The following PDCD7 variants were observed in gnomAD, a reference collection of about 807,000 sequenced individuals.
PDCD7 encodes programmed cell death 7.
A neutral mutation model predicts 42.1 loss-of-function variants in PDCD7; 40 were observed. The observed-to-expected ratio is 0.95, with a 90% CI of 0.74 to 1.24. The LOEUF (loss-of-function observed/expected upper bound fraction) is 1.24. PDCD7 is among the 50% of genes most tolerant of loss of function. The probability of loss-of-function intolerance (pLI) is 0.00; values close to 1 mark genes in which losing one functional copy is unlikely to be tolerated. For missense variants in PDCD7, 644 were observed against 662.8 expected (o/e 0.97, Z 0.31); for synonymous variants, 299 against 303.3 (o/e 0.99, Z 0.15).
chr15:65,123,623 A>C (rs1275229856), intron 2 of PDCD7, among the ~76,000 whole-genome samples: 1 of 152,180 alleles, frequency 6.6e-6, no homozygotes, highest in South Asian at 2.1e-4. Context: ...TTTCTTGTAA[A>C]GTTGTAATTT....
chr15:65,119,543 T>C (rs917628681), intron 3 of PDCD7, 80 bp from the exon 4 acceptor site: 8 of 1,245,932 alleles, frequency 6.4e-6, no homozygotes, highest in Non-Finnish European at 9.5e-6. Context: ...ACTGAGCCTA[T>C]GATTACGACA....
At chr15:65,131,903 T>C (rs1194319473) in intron 1 of PDCD7, among the ~76,000 whole-genome samples, 2 of 152,044 alleles carry the variant, frequency 1.3e-5, no homozygotes, top group African/African-American at 2.4e-5. Context: ...TGTGTGACTG[T>C]TGGCAAGTTA....
At chr15:65,128,985 T>C (rs377750632) in intron 2 of PDCD7, 47 bp downstream of exon 2, 5 of 1,605,560 alleles carry the variant, frequency 3.1e-6, no homozygotes, top group South Asian at 1.1e-5. Flanking sequence ...GGAGCTAGAG[T>C]AAAGAAGGGG....
rs746880229 is a variant in PDCD7 at position 65,133,232 on chromosome 15, G to C, written c.550C>G (p.Leu184Val). Residue 184 changes from leucine to valine, a missense_variant, in exon 1 of 5, where the codon CTG becomes GTG. Physicochemically the swap from Leu to Val is conservative, Grantham distance 32. Coordinates refer to ENST00000204549, the MANE Select transcript of PDCD7 (RefSeq NM_005707.2). ...VRARLLRALRLVRRLRGLSQA... is the reference protein window; with the variant it reads ...VRARLLRALRVVRRLRGLSQA... The stretch of plus-strand genomic sequence containing the variant: ...CTCAGGCCGCGCAGCCGCCGCACCA[G>C]GCGCAGAGCCCGGAGCAATCGCGCG... 2.2e-6 allele frequency: 3 copies of C among 1,380,134 alleles called. No homozygotes were observed. The highest frequency in any genetic ancestry group is 1.9e-6 in the Non-Finnish European group (2 of 1,076,588). 85.5% of individuals were successfully genotyped at this position (1,380,134 alleles called of 1,614,324 possible). A position where few individuals can be genotyped will look rare whatever the true frequency, so the allele number is the denominator to read the frequency against.
intron 2 of PDCD7, among the ~76,000 whole-genome samples, chr15:65,124,523 A>C (rs1223677892): frequency 2.6e-5 from 4 of 151,714 alleles, no homozygotes; most frequent in Non-Finnish European, 5.9e-5. Flanking sequence ...CACTTCTACC[A>C]CTCACTGTCC....
At position 65,132,926 on chromosome 15, in the gene PDCD7, C is replaced by T. The variant is rs1244782725; in HGVS notation, c.856G>A (p.Glu286Lys). 1 of 1,604,900 alleles carries T rather than the reference C, an allele frequency of 6.2e-7. No homozygotes were observed. The highest frequency in any genetic ancestry group is 1.7e-5 in the Admixed American group (1 of 60,012). ...RWRVKCVQEV[E>K]EKKREQELKA... ...GCTGCTCTCACCCGCTTCTTCTCCT[C>T]CACCTCCTGCACACACTTCACCCTC... The change falls in exon 1 of 5, where the codon GAG (glutamate) becomes AAG (lysine). Residue 286 changes from glutamate (E) to lysine (K), a missense_variant. By Grantham distance (56) the Glu-to-Lys change is moderately conservative. Transcript: ENST00000204549.
Position 65,133,663 on chromosome 15 carries a change from G to GGCGGCGGGAAAGCCGGGGAGGGCA in PDCD7, c.95_118dup (p.Leu32_Pro39dup), listed in dbSNP as rs2087563698. On this transcript the variant is annotated inframe_insertion, in exon 1 of 5. Coordinates refer to ENST00000204549, the MANE Select transcript of PDCD7 (RefSeq NM_005707.2). Reference sequence around the variant, plus strand: ...AAAAGGGCCGGGCCGCTGGGGGAGAGGCGGCGGGAAAGCCGGGGAGGGCAG... The same window carrying GGCGGCGGGAAAGCCGGGGAGGGCA: ...AAAAGGGCCGGGCCGCTGGGGGAGAGGCGGCGGGAAAGCCGGGGAGGGCAGCGGCGGGAAAGCCGGGGAGGGCAG... 1 of 1,265,500 alleles carries GGCGGCGGGAAAGCCGGGGAGGGCA rather than the reference G, an allele frequency of 7.9e-7. No individual in the cohort carries two copies. 78.4% of individuals were successfully genotyped at this position (1,265,500 alleles called of 1,614,324 possible).
At chr15:65,126,370 G>C (rs2087496046) in intron 2 of PDCD7, among the ~76,000 whole-genome samples, 1 of 152,018 alleles carries the variant, frequency 6.6e-6, no homozygotes, top group Admixed American at 6.6e-5. Flanking sequence ...TCTTATCCAG[G>C]ATGTACCACA....
At chr15:65,118,971 G>A in intron 4 of PDCD7, 131 bp from the exon 5 acceptor site, 2 of 594,710 alleles carry the variant, frequency 3.4e-6, no homozygotes, top group Non-Finnish European at 2.6e-6. Context: ...TTGATTTCTA[G>A]GAATCAAGAA....
Position 65,133,299 on chromosome 15 carries a change from C to T in PDCD7, c.483G>A (p.Val161=). The stretch of plus-strand genomic sequence containing the variant: ...TGGGCCCGGCATGCGTGCGCTGGGG[C>T]ACCGGACAGCCTGCCCGCCGCGGGG... ...FGTPRRAGCP[V]PQRTHAGPSL... The change falls in exon 1 of 5, where the codon GTG becomes GTA. Residue 161 remains valine, a synonymous_variant. Coordinates refer to ENST00000204549, the MANE Select transcript of PDCD7 (RefSeq NM_005707.2). 2 of 1,308,184 alleles carry T rather than the reference C, an allele frequency of 1.5e-6. No homozygotes were observed. Among genetic ancestry groups the T allele is most frequent in the Middle Eastern group, 2.8e-4 (1 of 3,626 alleles). The allele number at this position is 1,308,184 out of a possible 1,614,324, so 81.0% of individuals were successfully genotyped here.
At chr15:65,125,983 AG>A (rs2087492840) in intron 2 of PDCD7, among the ~76,000 whole-genome samples, 1 of 152,218 alleles carries the variant, frequency 6.6e-6, no homozygotes, top group Non-Finnish European at 1.5e-5. Context: ...TAAATCCATC[AG>A]ATCTCATGAG....
At chr15:65,131,599 T>C (rs1201782468) in intron 1 of PDCD7, among the ~76,000 whole-genome samples, 1 of 151,836 alleles carries the variant, frequency 6.6e-6, no homozygotes, top group African/African-American at 2.4e-5. Context: ...AAATACAAAA[T>C]TAGCTGGGGT....
chr15:65,131,180 G>C (rs1408746190), intron 1 of PDCD7, among the ~76,000 whole-genome samples: 2 of 152,166 alleles, frequency 1.3e-5, no homozygotes, highest in African/African-American at 4.8e-5. Flanking sequence ...AGCAACAGCA[G>C]CATTACATTC....
intron 1 of PDCD7, 58 bp downstream of exon 1, chr15:65,132,854 G>A (rs1428836188): frequency 3.1e-6 from 5 of 1,588,644 alleles, no homozygotes; most frequent in Non-Finnish European, 4.3e-6. Context: ...AAAGCCTCCT[G>A]CTGCTCCAGG....
chr15:65,133,209 C>A lies in PDCD7; in HGVS notation c.573G>T (p.Leu191=). The change falls in exon 1 of 5, where the codon CTG becomes CTT. Residue 191 remains leucine, a synonymous_variant. Transcript: ENST00000204549. ...CTTCGGCCTCGCGCAGGGCCTGGCT[C>A]AGGCCGCGCAGCCGCCGCACCAGGC... The part of the protein sequence containing the change: ...ALRLVRRLRG[L]SQALREAEAD... 1 of 1,387,744 alleles carries A rather than the reference C, an allele frequency of 7.2e-7. No homozygotes were observed. Among genetic ancestry groups the A allele is most frequent in the Non-Finnish European group, 9.3e-7 (1 of 1,080,834 alleles). 86.0% of individuals were successfully genotyped at this position (1,387,744 alleles called of 1,614,324 possible).
At chr15:65,126,771 A>C (rs1190873409) in intron 2 of PDCD7, among the ~76,000 whole-genome samples, 1 of 139,798 alleles carries the variant, frequency 7.2e-6, no homozygotes, top group Admixed American at 7.1e-5. Context: ...AAAAAAAAGC[A>C]AAAAAAAAAA....
chr15:65,128,913 C>A (rs1204117203), intron 2 of PDCD7, 119 bp downstream of exon 2: 1 of 1,208,428 alleles, frequency 8.3e-7, no homozygotes, highest in East Asian at 2.3e-5. Context: ...AGCCCAGTTA[C>A]CCGACAAGGT....
At chr15:65,127,051 A>G (rs1048697712) in intron 2 of PDCD7, among the ~76,000 whole-genome samples, 2 of 152,132 alleles carry the variant, frequency 1.3e-5, no homozygotes, top group African/African-American at 4.8e-5. Flanking sequence ...ATGCTTCCAT[A>G]CTACCCGTGC....
intron 1 of PDCD7, among the ~76,000 whole-genome samples, chr15:65,131,195 A>G (rs1332359783): frequency 6.6e-6 from 1 of 152,166 alleles, no homozygotes; most frequent in Non-Finnish European, 1.5e-5. Context: ...ACATTCTCAT[A>G]GGAGCACAAA....
Sources: gnomAD v4.1 joint callset for allele counts (sites outside exome capture counted in the v4.1 genomes callset) on GRCh38, gnomAD v4.1.1 for gene constraint, MANE v1.5 for transcripts, NCBI Gene and HGNC (gene_info 2026-07-23, HGNC 2026-07-21) for gene names.